Variants in BMP2K observed in about 807,000 individuals in gnomAD.
The protein encoded by BMP2K is BMP-2-inducible protein kinase.
Under a neutral mutation model 116.0 loss-of-function variants are expected in BMP2K, and 74 were observed. That is an observed-to-expected ratio of 0.64 (90% CI 0.53 to 0.77). The LOEUF is 0.77. BMP2K is among the 30% of genes least tolerant of loss of function. The pLI is 0.00. For synonymous variants in BMP2K, 486 were observed against 502.5 expected, an observed-to-expected ratio of 0.97 and a Z score of 0.44; for missense variants, 1,365 against 1,403.6, an observed-to-expected ratio of 0.97 and a Z score of 0.44.
At chr4:78,785,791 A>G (rs1406681944) in intron 1 of BMP2K, among the ~76,000 whole-genome samples, 1 of 152,164 alleles carries the variant, frequency 6.6e-6, no homozygotes, top group African/African-American at 2.4e-5. Context: ...TCCTTAATAC[A>G]TCTCGTTTAG....
At chr4:78,845,532 A>G (rs1730956757) in intron 5 of BMP2K, among the ~76,000 whole-genome samples, 3 of 151,598 alleles carry the variant, frequency 2.0e-5, no homozygotes, top group African/African-American at 7.3e-5. Context: ...GTTATACTGG[A>G]AAGCTCTGGA....
Position 78,872,698 on chromosome 4 carries a change from C to CGG in BMP2K, c.1693_1694insGG (p.Leu565ArgfsTer12). On this transcript the variant is annotated frameshift_variant, in exon 13 of 16. Transcript: ENST00000502613. LOFTEE classifies it high-confidence loss of function. ...TCAACAACAGGCATCACCTGAATATCTTACCTCCCCTCAAGAGTTCTCACC... is the reference window on the plus strand; with the variant it reads ...TCAACAACAGGCATCACCTGAATATCGGTTACCTCCCCTCAAGAGTTCTCACC... 1 of 1,614,148 alleles carries CGG rather than the reference C, an allele frequency of 6.2e-7. No homozygotes were observed. Among genetic ancestry groups the CGG allele is most frequent in the Non-Finnish European group, 8.5e-7 (1 of 1,180,008 alleles).
intron 15 of BMP2K, among the ~76,000 whole-genome samples, chr4:78,896,805 T>TA (rs1733728448): frequency 6.6e-6 from 1 of 152,218 alleles, no homozygotes; most frequent in Non-Finnish European, 1.5e-5. Context: ...TTTTAAATAA[T>TA]TCTTTATTGA....
At chr4:78,808,256 T>A (rs901419992) in intron 1 of BMP2K, among the ~76,000 whole-genome samples, 10 of 150,476 alleles carry the variant, frequency 6.6e-5, no homozygotes, top group African/African-American at 2.0e-4. Flanking sequence ...TGATTTGAGA[T>A]CTTGCTTCCT....
chr4:78,904,836 A>G (rs897877314), intron 15 of BMP2K, among the ~76,000 whole-genome samples: 13 of 151,944 alleles, frequency 8.6e-5, no homozygotes, highest in African/African-American at 3.1e-4. Context: ...ATTATTATAT[A>G]TTGTGAAAGT....
intron 9 of BMP2K, among the ~76,000 whole-genome samples, chr4:78,862,258 C>T (rs925467264): frequency 6.6e-5 from 10 of 151,936 alleles, no homozygotes; most frequent in African/African-American, 2.4e-4. Context: ...GTTTTTATTT[C>T]CAAGGAGTTC....
rs111548741 is a variant in BMP2K, at chr4:78,911,822, G to A, written c.3275G>A (p.Arg1092His). 24 of 1,613,898 alleles carry A rather than the reference G, an allele frequency of 1.5e-5. No homozygotes were observed. The highest frequency in any genetic ancestry group is 2.0e-5 in the Non-Finnish European group (24 of 1,179,876). Residue 1092 changes from arginine to histidine, a missense_variant, in exon 16 of 16, where the codon CGT (arginine) becomes CAT (histidine). By Grantham distance (29) the Arg-to-His change is conservative. Coordinates refer to ENST00000502613, the MANE Select transcript of BMP2K (RefSeq NM_198892.2). Reference sequence around the variant, plus strand: ...CCACATCAGGGCCTGAGCGACATCCGTGCTGATCACAATACTGTCCTGCCA... The same window carrying A: ...CCACATCAGGGCCTGAGCGACATCCATGCTGATCACAATACTGTCCTGCCA... ...HPPHQGLSDI[R>H]ADHNTVLPGR... is the part of the protein sequence containing the mutation.
At chr4:78,780,341 T>G (rs1290365200) in intron 1 of BMP2K, among the ~76,000 whole-genome samples, 3 of 152,108 alleles carry the variant, frequency 2.0e-5, no homozygotes, top group Admixed American at 6.5e-5. Context: ...TTTACTGAGA[T>G]GGGTGTTGGG....
chr4:78,804,604 C>T (rs1411166011), intron 1 of BMP2K, among the ~76,000 whole-genome samples: 1 of 152,024 alleles, frequency 6.6e-6, no homozygotes, highest in East Asian at 1.9e-4. Flanking sequence ...TGTCTTCTGT[C>T]ATTTTGATCA....
chr4:78,831,606 T>G (rs1268114021), intron 2 of BMP2K, among the ~76,000 whole-genome samples: 2 of 152,244 alleles, frequency 1.3e-5, no homozygotes, highest in Non-Finnish European at 2.9e-5. Flanking sequence ...CAATTAGTTT[T>G]GTTTTTCACT....
chr4:78,847,850 G>C (rs1731083441), intron 6 of BMP2K, among the ~76,000 whole-genome samples: 1 of 151,558 alleles, frequency 6.6e-6, no homozygotes, highest in African/African-American at 2.4e-5. Context: ...AAATACGTTT[G>C]TGATTGTACT....
chr4:78,857,420 A>G (rs957401478), intron 7 of BMP2K, among the ~76,000 whole-genome samples: 1 of 152,172 alleles, frequency 6.6e-6, no homozygotes, highest in African/African-American at 2.4e-5. Flanking sequence ...AACCTGAGAT[A>G]CAGAAATACC....
intron 3 of BMP2K, among the ~76,000 whole-genome samples, chr4:78,841,748 T>C (rs986533380): frequency 6.6e-6 from 1 of 152,098 alleles, no homozygotes; most frequent in Non-Finnish European, 1.5e-5. Context: ...CTTTGAGTTA[T>C]TCAGAGTCAT....
chr4:78,878,958 G>A, intron 14 of BMP2K, 67 bp downstream of exon 14: 1 of 1,550,740 alleles, frequency 6.4e-7, no homozygotes, highest in South Asian at 1.2e-5. Flanking sequence ...ATTCAGCAAG[G>A]CCAAAGACTT....
Position 78,845,058 on chromosome 4 carries a change from T to A in BMP2K, c.668+9T>A. 6.4e-7 allele frequency: 1 copy of A among 1,559,848 alleles called. No homozygotes were observed. ...GAAGAAGAAATTAAAAAGTAAGTATTTGTCTTTATTGCACTTTTGTCATGG... is the reference window on the plus strand; with the variant it reads ...GAAGAAGAAATTAAAAAGTAAGTATATGTCTTTATTGCACTTTTGTCATGG... On this transcript the variant is annotated intron_variant, in intron 5 of 15. Coordinates refer to ENST00000502613, the MANE Select transcript of BMP2K (RefSeq NM_198892.2).
intron 3 of BMP2K, among the ~76,000 whole-genome samples, chr4:78,834,014 T>C (rs1260310706): frequency 5.3e-5 from 8 of 152,186 alleles, no homozygotes; most frequent in African/African-American, 7.2e-5. Context: ...ATGTCAATAT[T>C]AATGTTGTAA....
chr4:78,849,289 C>T (rs1232545455), intron 6 of BMP2K, among the ~76,000 whole-genome samples: 1 of 151,336 alleles, frequency 6.6e-6, no homozygotes, highest in Non-Finnish European at 1.5e-5. Flanking sequence ...CACTGGTTCC[C>T]TCCTGTTTCT....
intron 9 of BMP2K, among the ~76,000 whole-genome samples, chr4:78,864,432 C>T (rs1036766472): frequency 6.7e-6 from 1 of 150,174 alleles, no homozygotes; most frequent in Non-Finnish European, 1.5e-5. Context: ...TATGTAATAT[C>T]TGTATATATT....
At position 78,914,819 on chromosome 4, in the gene BMP2K, T is replaced by C. The variant is rs1003692493; in HGVS notation, c.*2786T>C. 1 of 151,818 alleles carries C rather than the reference T, an allele frequency of 6.6e-6. No homozygotes were observed. The highest frequency in any genetic ancestry group is 6.6e-5 in the Admixed American group (1 of 15,214). The allele number at this position is 151,818 out of a possible 1,614,324, so 9.4% of individuals were successfully genotyped here. ...GTAGTTATAACTAAACCTGTTATACTTGAACATCACTAAGAGAAGTAAATT... is the reference window on the plus strand; with the variant it reads ...GTAGTTATAACTAAACCTGTTATACCTGAACATCACTAAGAGAAGTAAATT... On this transcript the variant is annotated 3_prime_UTR_variant, in exon 16 of 16. Transcript: ENST00000502613.
Sources: allele counts gnomAD v4.1 joint callset (sites outside exome capture counted in the v4.1 genomes callset), GRCh38; gene constraint gnomAD v4.1.1; transcripts MANE v1.5; gene names NCBI Gene and HGNC (gene_info 2026-07-23, HGNC 2026-07-21).